DAB1: variants seen among roughly 807,000 people sequenced by gnomAD.
DAB1 encodes disabled homolog 1.
A neutral mutation model predicts 64.6 loss-of-function variants in DAB1; 15 were observed. The observed-to-expected ratio is 0.23, with a 90% CI of 0.16 to 0.36. The LOEUF (loss-of-function observed/expected upper bound fraction) is 0.36, where lower values mean the gene tolerates loss of function less well. Ranked by LOEUF, DAB1 falls within the 10% of genes least tolerant of loss-of-function variation. DAB1 has a pLI of 1.00. For synonymous variants in DAB1, 235 were observed against 251.9 expected, an observed-to-expected ratio of 0.93 and a Z score of 0.64; for missense variants, 596 against 706.7, an observed-to-expected ratio of 0.84 and a Z score of 1.78.
intron 6 of DAB1, among the ~76,000 whole-genome samples, chr1:57,659,898 A>G (rs1441470409): frequency 2.0e-5 from 3 of 151,922 alleles, no homozygotes; most frequent in African/African-American, 7.3e-5. Flanking sequence ...AATCGCTTGA[A>G]TCTGGGTGGC....
At chr1:58,158,678 G>C (rs1655350762) in intron 4 of DAB1, among the ~76,000 whole-genome samples, 2 of 152,318 alleles carry the variant, frequency 1.3e-5, no homozygotes. Flanking sequence ...CACACAGTCA[G>C]ACAGAGGTCT....
At chr1:57,084,497 C>T (rs1652860179) in intron 4 of DAB1, among the ~76,000 whole-genome samples, 1 of 152,194 alleles carries the variant, frequency 6.6e-6, no homozygotes, top group Non-Finnish European at 1.5e-5. Context: ...CCCTTGGAAA[C>T]TAAATACAGC....
chr1:57,074,255 T>C (rs904507388), intron 4 of DAB1, among the ~76,000 whole-genome samples: 29 of 152,332 alleles, frequency 1.9e-4, no homozygotes, highest in African/African-American at 7.0e-4. Context: ...TTAGTTATGG[T>C]TTAAATAGTC....
At chr1:58,373,182 T>C (rs1644284631) in intron 3 of DAB1, among the ~76,000 whole-genome samples, 1 of 151,884 alleles carries the variant, frequency 6.6e-6, no homozygotes, top group Non-Finnish European at 1.5e-5. Context: ...TTTTTTTTTT[T>C]TAATTATACT....
intron 1 of DAB1, among the ~76,000 whole-genome samples, chr1:57,373,295 G>C (rs1282869699): frequency 1.3e-5 from 2 of 152,218 alleles, no homozygotes; most frequent in African/African-American, 4.8e-5. Context: ...GACTGGTTCT[G>C]TGACCTCTTA....
chr1:57,416,070 G>A (rs1684471841), intron 1 of DAB1, among the ~76,000 whole-genome samples: 1 of 152,178 alleles, frequency 6.6e-6, no homozygotes, highest in Admixed American at 6.5e-5. Context: ...TTCCTCCGGT[G>A]AGCCTGTGAG....
intron 2 of DAB1, among the ~76,000 whole-genome samples, chr1:57,208,467 T>G (rs888169583): frequency 3.3e-5 from 5 of 152,178 alleles, no homozygotes; most frequent in Non-Finnish European, 5.9e-5. Flanking sequence ...ACTCTTCCCT[T>G]AGGAACAACA....
chr1:57,407,155 G>A (rs1683705427), intron 1 of DAB1, among the ~76,000 whole-genome samples: 1 of 152,194 alleles, frequency 6.6e-6, no homozygotes, highest in South Asian at 2.1e-4. Context: ...GCTTTCTGTA[G>A]CAAATTGTGT....
At chr1:57,738,145 T>C (rs548640150) in intron 6 of DAB1, among the ~76,000 whole-genome samples, 28 of 152,230 alleles carry the variant, frequency 1.8e-4, no homozygotes, top group Non-Finnish European at 3.7e-4. Context: ...CTATTTTAGC[T>C]ATGCGACCTT....
intron 1 of DAB1, among the ~76,000 whole-genome samples, chr1:57,420,080 C>T (rs976901709): frequency 6.6e-6 from 1 of 152,256 alleles, no homozygotes. Context: ...GAAACTGCCA[C>T]AGAGTCACAA....
chr1:57,753,523 A>T (rs1648650607), intron 6 of DAB1, among the ~76,000 whole-genome samples: 1 of 152,212 alleles, frequency 6.6e-6, no homozygotes, highest in Non-Finnish European at 1.5e-5. Context: ...CTGTTTTCTC[A>T]TATGTAAAAT....
chr1:57,886,406 C>A (rs775094732), upstream of DAB1, among the ~76,000 whole-genome samples: 4 of 152,148 alleles, frequency 2.6e-5, no homozygotes, highest in African/African-American at 2.4e-5. Context: ...ATCCACCTGC[C>A]TCGGCCTCCC....
At chr1:57,048,460 T>C (rs1033401244) in intron 9 of DAB1, among the ~76,000 whole-genome samples, 2 of 152,188 alleles carry the variant, frequency 1.3e-5, no homozygotes, top group African/African-American at 4.8e-5. Context: ...TTTTACAGCC[T>C]CCCAGAGAGC....
At chr1:57,531,158 C>T (rs940196631) in intron 7 of DAB1, among the ~76,000 whole-genome samples, 7 of 152,188 alleles carry the variant, frequency 4.6e-5, no homozygotes, top group African/African-American at 1.7e-4. Context: ...GTGAAAATGG[C>T]CGGTTCCTGC....
chr1:57,089,712 T>C (rs149539332), intron 4 of DAB1, among the ~76,000 whole-genome samples: 3 of 152,238 alleles, frequency 2.0e-5, no homozygotes, highest in Non-Finnish European at 2.9e-5. Context: ...ACCTCCAACA[T>C]TGGGGATTAC....
intron 1 of DAB1, among the ~76,000 whole-genome samples, chr1:57,391,082 C>T (rs1325254303): frequency 6.6e-6 from 1 of 152,180 alleles, no homozygotes; most frequent in African/African-American, 2.4e-5. Flanking sequence ...CAGAGCTGAG[C>T]TTTGAATCCA....
At chr1:57,347,241 C>T (rs941493223) in intron 1 of DAB1, among the ~76,000 whole-genome samples, 7 of 152,196 alleles carry the variant, frequency 4.6e-5, no homozygotes, top group Admixed American at 2.0e-4. Context: ...ACATTTCTCA[C>T]GGCCCAAACA....
intron 5 of DAB1, among the ~76,000 whole-genome samples, chr1:57,928,450 T>C (rs1644910244): frequency 6.6e-6 from 1 of 152,164 alleles, no homozygotes; most frequent in Admixed American, 6.5e-5. Context: ...TGCACTGATA[T>C]ATCACTGTTA....
At chr1:58,421,305 G>C (rs1299389220) in intron 3 of DAB1, among the ~76,000 whole-genome samples, 1 of 152,144 alleles carries the variant, frequency 6.6e-6, no homozygotes, top group East Asian at 1.9e-4. Context: ...ACAATGTGAT[G>C]CCTAATATAT....
Sources: allele counts gnomAD v4.1 joint callset (sites outside exome capture counted in the v4.1 genomes callset), GRCh38; gene constraint gnomAD v4.1.1; transcripts MANE v1.5; gene names NCBI Gene and HGNC (gene_info 2026-07-23, HGNC 2026-07-21).